Variants in NRG1 observed in about 807,000 individuals in gnomAD.
NRG1 encodes the protein pro-neuregulin-1, membrane-bound isoform.
Under a neutral mutation model 63.8 loss-of-function variants are expected in NRG1, and 18 were observed. That is an observed-to-expected ratio of 0.28 (90% CI 0.19 to 0.42). The LOEUF (loss-of-function observed/expected upper bound fraction) is 0.42, where lower values mean the gene tolerates loss of function less well. NRG1 is among the 10% of genes least tolerant of loss of function. The probability of loss-of-function intolerance (pLI) is 1.00; values close to 1 mark genes in which losing one functional copy is unlikely to be tolerated. For synonymous variants in NRG1, 302 were observed against 301.3 expected, an observed-to-expected ratio of 1.00 and a Z score of -0.02; for missense variants, 762 against 814.7, an observed-to-expected ratio of 0.94 and a Z score of 0.79.
At chr8:32,213,559 A>T (rs528415857) in intron 1 of NRG1, among the ~76,000 whole-genome samples, 3 of 152,178 alleles carry the variant, frequency 2.0e-5, no homozygotes, top group Non-Finnish European at 4.4e-5. Flanking sequence ...ACCATGGCAC[A>T]TGTTTACCTA....
chr8:31,938,577 A>C (rs1367317307), intron 1 of NRG1, among the ~76,000 whole-genome samples: 4 of 152,194 alleles, frequency 2.6e-5, no homozygotes, highest in Admixed American at 2.6e-4. Flanking sequence ...TTGCCAGAAA[A>C]AAGAAAAATT....
At chr8:31,978,428 G>C (rs1282123448) in intron 1 of NRG1, among the ~76,000 whole-genome samples, 1 of 152,056 alleles carries the variant, frequency 6.6e-6, no homozygotes, top group African/African-American at 2.4e-5. Context: ...GATTCACAGT[G>C]TATTTTCTCC....
intron 1 of NRG1, among the ~76,000 whole-genome samples, chr8:32,169,223 T>G (rs1306053994): frequency 6.6e-6 from 1 of 152,194 alleles, no homozygotes; most frequent in Non-Finnish European, 1.5e-5. Flanking sequence ...CCAACTGATG[T>G]GTTACTTCTT....
intron 1 of NRG1, among the ~76,000 whole-genome samples, chr8:32,011,648 A>T (rs1378925912): frequency 6.6e-5 from 10 of 152,046 alleles, no homozygotes; most frequent in Non-Finnish European, 1.0e-4. Context: ...TTGTTTGTGG[A>T]CAATTCTCCT....
intron 1 of NRG1, among the ~76,000 whole-genome samples, chr8:31,755,373 G>C (rs1176260130): frequency 6.6e-6 from 1 of 152,012 alleles, no homozygotes; most frequent in Non-Finnish European, 1.5e-5. Flanking sequence ...GAAACTGAGA[G>C]GCTTACTTGC....
At chr8:31,650,066 C>T (rs542556444) in intron 1 of NRG1, among the ~76,000 whole-genome samples, 1 of 152,236 alleles carries the variant, frequency 6.6e-6, no homozygotes, top group South Asian at 2.1e-4. Flanking sequence ...GCAGCCTCAA[C>T]CTCATGGACT....
chr8:32,448,145 G>T (rs1038381579), intron 1 of NRG1, among the ~76,000 whole-genome samples: 2 of 152,142 alleles, frequency 1.3e-5, no homozygotes, highest in Admixed American at 1.3e-4. Context: ...CAACACCATA[G>T]AAGCAATTGT....
At chr8:31,667,635 G>C (rs1563272889) in intron 1 of NRG1, among the ~76,000 whole-genome samples, 1 of 152,180 alleles carries the variant, frequency 6.6e-6, no homozygotes, top group Admixed American at 6.5e-5. Flanking sequence ...TAAGAGGTGA[G>C]GCTGCAGAAG....
chr8:31,784,066 C>T (rs1234344263), intron 1 of NRG1, among the ~76,000 whole-genome samples: 1 of 152,104 alleles, frequency 6.6e-6, no homozygotes, highest in East Asian at 1.9e-4. Flanking sequence ...AGAATTGGGA[C>T]TCAAATTCAG....
chr8:32,486,082 C>T (rs946652488), intron 1 of NRG1, among the ~76,000 whole-genome samples: 10 of 152,020 alleles, frequency 6.6e-5, no homozygotes, highest in Non-Finnish European at 1.3e-4. Flanking sequence ...CGCTCCCCCC[C>T]TCCCCATGCC....
intron 1 of NRG1, among the ~76,000 whole-genome samples, chr8:31,796,619 G>C (rs1436915330): frequency 6.6e-6 from 1 of 151,626 alleles, no homozygotes; most frequent in Non-Finnish European, 1.5e-5. Context: ...TGTATTTTTA[G>C]TAGAGATGGG....
intron 1 of NRG1, among the ~76,000 whole-genome samples, chr8:32,455,434 A>G (rs1821481949): frequency 1.3e-5 from 2 of 152,204 alleles, no homozygotes; most frequent in Non-Finnish European, 2.9e-5. Context: ...CATGGAATCA[A>G]ATCCCTGATG....
intron 1 of NRG1, among the ~76,000 whole-genome samples, chr8:32,043,091 A>G (rs759667673): frequency 3.9e-5 from 6 of 151,958 alleles, no homozygotes; most frequent in Non-Finnish European, 7.4e-5. Flanking sequence ...AGATTCAAGG[A>G]CCTCAGAAAA....
intron 1 of NRG1, among the ~76,000 whole-genome samples, chr8:31,673,460 C>G (rs1328275581): frequency 6.6e-6 from 1 of 152,178 alleles, no homozygotes; most frequent in Non-Finnish European, 1.5e-5. Context: ...TTACCTGTCA[C>G]TTTGTTAATG....
At chr8:32,080,839 G>A (rs369199569) in intron 1 of NRG1, among the ~76,000 whole-genome samples, 1 of 151,482 alleles carries the variant, frequency 6.6e-6, no homozygotes, top group South Asian at 2.1e-4. Context: ...GAGTGCTTTA[G>A]TTTAAGGAAT....
chr8:32,019,507 A>G (rs1416855365), intron 1 of NRG1, among the ~76,000 whole-genome samples: 2 of 152,186 alleles, frequency 1.3e-5, no homozygotes, highest in Non-Finnish European at 2.9e-5. Context: ...TTTATTAATA[A>G]TGTCTTTTGA....
intron 1 of NRG1, among the ~76,000 whole-genome samples, chr8:32,276,747 T>C (rs1852145559): frequency 6.6e-6 from 1 of 152,054 alleles, no homozygotes; most frequent in African/African-American, 2.4e-5. Flanking sequence ...AGTGGGGAAA[T>C]AGGATCAGAC....
intron 1 of NRG1, among the ~76,000 whole-genome samples, chr8:32,536,785 G>T (rs954423249): frequency 6.6e-6 from 1 of 151,656 alleles, no homozygotes; most frequent in Non-Finnish European, 1.5e-5. Context: ...TTAGCCGGGT[G>T]TGGTGGTGGG....
intron 1 of NRG1, among the ~76,000 whole-genome samples, chr8:31,896,455 T>A (rs919181314): frequency 7.9e-5 from 12 of 152,218 alleles, no homozygotes; most frequent in Admixed American, 6.5e-4. Context: ...CTTGTGATAC[T>A]CCTGTCATGC....
Sources: gnomAD v4.1 joint callset for allele counts (sites outside exome capture counted in the v4.1 genomes callset) on GRCh38, gnomAD v4.1.1 for gene constraint, MANE v1.5 for transcripts, NCBI Gene and HGNC (gene_info 2026-07-23, HGNC 2026-07-21) for gene names.